RMDN2: variants seen among roughly 807,000 people sequenced by gnomAD.
The protein encoded by RMDN2 is regulator of microtubule dynamics protein 2.
Under a neutral mutation model 52.8 loss-of-function variants are expected in RMDN2, and 61 were observed. That is an observed-to-expected ratio of 1.16 (90% confidence interval 0.94 to 1.43). RMDN2 has a LOEUF of 1.43. RMDN2 is among the 40% of genes most tolerant of loss of function. The pLI, the probability that RMDN2 is intolerant of heterozygous loss-of-function variation, is 0.00. For synonymous variants in RMDN2, 180 were observed against 153.1 expected (o/e 1.18, Z -1.30); for missense variants, 592 against 475.3 (o/e 1.25, Z -2.28).
intron 2 of RMDN2, among the ~76,000 whole-genome samples, chr2:37,941,942 CA>C (rs70949788): frequency 0.79 from 111,212 of 141,136 alleles, 43,385 homozygotes; most frequent in Middle Eastern, 0.88. Flanking sequence ...ACTGGGGTAC[CA>C]AAAAAAAAAA....
chr2:38,062,621 TTTATTA>T (rs912910929), intron 10 of RMDN2, among the ~76,000 whole-genome samples: 1 of 152,040 alleles, frequency 6.6e-6, no homozygotes, highest in African/African-American at 2.4e-5. Context: ...TTTTTTTAAT[TTTATTA>T]TTATTATACT....
chr2:38,010,414 G>A (rs560737663), intron 10 of RMDN2, among the ~76,000 whole-genome samples: 8 of 152,194 alleles, frequency 5.3e-5, no homozygotes, highest in South Asian at 4.2e-4. Flanking sequence ...GCAATGGCTC[G>A]CTCCCCTCCC....
chr2:38,025,287 T>A (rs1215563587), intron 10 of RMDN2, among the ~76,000 whole-genome samples: 1 of 152,102 alleles, frequency 6.6e-6, no homozygotes, highest in Admixed American at 6.5e-5. Context: ...TTTCAATTTC[T>A]GATTTTTTAT....
intron 7 of RMDN2, among the ~76,000 whole-genome samples, chr2:37,993,621 G>A (rs751930457): frequency 3.3e-5 from 5 of 152,022 alleles, no homozygotes; most frequent in African/African-American, 7.2e-5. Context: ...CCTGATAGTC[G>A]GAGGCATTTA....
intron 2 of RMDN2, among the ~76,000 whole-genome samples, chr2:37,961,457 T>C (rs560344046): frequency 6.6e-6 from 1 of 151,978 alleles, no homozygotes; most frequent in African/African-American, 2.4e-5. Context: ...ATCTCTGTTA[T>C]CCTTTCTTCT....
chr2:38,047,816 A>G (rs560961916), intron 10 of RMDN2, among the ~76,000 whole-genome samples: 10 of 152,326 alleles, frequency 6.6e-5, no homozygotes, highest in African/African-American at 2.4e-4. Flanking sequence ...TTTATGGCAG[A>G]TATGTGTGGC....
At chr2:37,980,837 C>A (rs747638952) in intron 4 of RMDN2, among the ~76,000 whole-genome samples, 1 of 151,750 alleles carries the variant, frequency 6.6e-6, no homozygotes, top group Non-Finnish European at 1.5e-5. Flanking sequence ...TATATGCCTG[C>A]AGCATACTGA....
intron 10 of RMDN2, among the ~76,000 whole-genome samples, chr2:38,005,713 C>A (rs1676982985): frequency 6.6e-6 from 1 of 152,174 alleles, no homozygotes; most frequent in Non-Finnish European, 1.5e-5. Context: ...TTCATTAGAT[C>A]CCATTTGTGA....
intron 2 of RMDN2, among the ~76,000 whole-genome samples, chr2:37,942,581 A>C (rs1333130669): frequency 6.6e-6 from 1 of 152,208 alleles, no homozygotes; most frequent in African/African-American, 2.4e-5. Context: ...ACAAATTTTT[A>C]TATTGTCAGA....
intron 2 of RMDN2, among the ~76,000 whole-genome samples, chr2:37,944,961 T>G (rs79433328): frequency 0.2 from 30,012 of 152,136 alleles, 4,346 homozygotes; most frequent in East Asian, 0.78. Context: ...GGAAATAACC[T>G]ATGAAACAAG....
chr2:37,926,930 TA>T (rs113438920), intron 1 of RMDN2, among the ~76,000 whole-genome samples: 70 of 147,504 alleles, frequency 4.7e-4, no homozygotes, highest in Admixed American at 1.2e-3. Context: ...AGCGAGACTC[TA>T]AAAAAAAAAA....
chr2:38,030,447 G>T (rs1372721111), intron 10 of RMDN2: 1 of 152,108 alleles, frequency 6.6e-6, no homozygotes, highest in African/African-American at 2.4e-5. Flanking sequence ...AATATTTAGT[G>T]CAGTCACAGA....
chr2:38,067,054 G>A lies in RMDN2; in HGVS notation c.*64G>A, dbSNP rs546894926. On this transcript the variant is annotated 3_prime_UTR_variant, in exon 11 of 11. Transcript: ENST00000234195. ...CATCTGTGAGTGTGGCACAGTGAAG[G>A]CCTGGAGAGTCATGACCTAGGCCCT... 1.9e-5 allele frequency: 30 copies of A among 1,544,368 alleles called. No homozygotes were observed. In the African/African-American group the frequency reaches 3.8e-4, roughly 20 times the overall value.
chr2:37,929,395 C>A lies in RMDN2; in HGVS notation c.118C>A (p.Pro40Thr), dbSNP rs746920880. Reference sequence around the variant, plus strand: ...TAAACCAGGGATAGCAATGAAGTTACCTGAATTTCTTTCTCTGGGTAATAC... The same window carrying A: ...TAAACCAGGGATAGCAATGAAGTTAACTGAATTTCTTTCTCTGGGTAATAC... Reference protein sequence around the residue: ...VRKPGIAMKLPEFLSLGNTFN... With the variant: ...VRKPGIAMKLTEFLSLGNTFN... The change falls in exon 2 of 11, where the codon CCT becomes ACT. Residue 40 changes from proline (P) to threonine (T), a missense_variant. Pro to Thr is a conservative substitution (Grantham distance 38). Transcript: ENST00000354545. The A allele has an allele frequency of 6.4e-7, 1 of 1,551,192 alleles. No homozygotes were observed. Among genetic ancestry groups the A allele is most frequent in the South Asian group, 1.2e-5 (1 of 84,052 alleles).
At chr2:37,925,552 G>T (rs1666198694) in intron 1 of RMDN2, 127 bp downstream of exon 1, 1 of 152,352 alleles carries the variant, frequency 6.6e-6, no homozygotes, top group Admixed American at 6.5e-5. Context: ...TGTCCCTGGC[G>T]AAGCTTGAGC....
chr2:37,967,216 C>G (rs1671171310), intron 2 of RMDN2, among the ~76,000 whole-genome samples: 1 of 152,190 alleles, frequency 6.6e-6, no homozygotes. Flanking sequence ...ATAGACATCT[C>G]TGTTGGTTCT....
At chr2:37,944,293 T>C (rs1169585719) in intron 2 of RMDN2, among the ~76,000 whole-genome samples, 1 of 150,394 alleles carries the variant, frequency 6.6e-6, no homozygotes, top group African/African-American at 2.5e-5. Flanking sequence ...AGGTGATGTA[T>C]TTCTCATTGA....
intron 6 of RMDN2, among the ~76,000 whole-genome samples, chr2:37,990,622 G>A (rs1238959631): frequency 1.3e-5 from 2 of 151,194 alleles, no homozygotes; most frequent in Non-Finnish European, 2.9e-5. Flanking sequence ...TATTGATTTG[G>A]TGGAGGAAAA....
chr2:38,026,705 A>G (rs1679806904), intron 10 of RMDN2, among the ~76,000 whole-genome samples: 1 of 152,140 alleles, frequency 6.6e-6, no homozygotes, highest in African/African-American at 2.4e-5. Flanking sequence ...CACACTCATC[A>G]ACCCATCATC....
Sources: allele counts gnomAD v4.1 joint callset (sites outside exome capture counted in the v4.1 genomes callset), GRCh38; gene constraint gnomAD v4.1.1; transcripts MANE v1.5; gene names NCBI Gene and HGNC (gene_info 2026-07-23, HGNC 2026-07-21).